The following XK variants were observed in gnomAD, a reference collection of about 807,000 sequenced individuals.
XK encodes endoplasmic reticulum membrane adapter protein XK.
XK carries 2 observed loss-of-function variants against 14.0 expected under a neutral mutation model. That is an observed-to-expected ratio of 0.14 (90% confidence interval 0.06 to 0.45). The LOEUF is 0.45. Ranked by LOEUF, XK falls within the 20% of genes least tolerant of loss-of-function variation. The pLI is 0.98. For missense variants in XK, 235 were observed against 341.5 expected (o/e 0.69, Z 2.46); for synonymous variants, 149 against 147.5 (o/e 1.01, Z -0.08).
intron 1 of XK, among the ~76,000 whole-genome samples, chrX:37,690,900 A>G (rs1927188084): frequency 8.9e-6 from 1 of 112,358 alleles, no homozygotes; most frequent in Non-Finnish European, 1.9e-5. Flanking sequence ...CAAATAAAAA[A>G]CCAAAAAATA....
chrX:37,689,087 T>G (rs1282107844), intron 1 of XK, among the ~76,000 whole-genome samples: 1 of 111,813 alleles, frequency 8.9e-6, no homozygotes, highest in Non-Finnish European at 1.9e-5. Context: ...GGCCATTGTC[T>G]TCTTGGAGCA....
chrX:37,731,446 A>G lies in XK; in HGVS notation c.*2984A>G, dbSNP rs922048395. 6.2e-5 allele frequency: 7 copies of G among 112,249 alleles called. No homozygotes were observed. Among genetic ancestry groups the G allele is most frequent in the African/African-American group, 2.3e-4 (7 of 30,895 alleles). The allele number at this position is 112,249 out of a possible 1,213,427, so 9.3% of individuals were successfully genotyped here. A position where few individuals can be genotyped will look rare whatever the true frequency, so the allele number is the denominator to read the frequency against. Reference sequence around the variant, plus strand: ...AATTGCTCTATGCCTCAGTTTCCCCATAATACCCTTTTCCAACCTACCTCA... The same window carrying G: ...AATTGCTCTATGCCTCAGTTTCCCCGTAATACCCTTTTCCAACCTACCTCA... On this transcript the variant is annotated 3_prime_UTR_variant, in exon 3 of 3. Transcript: ENST00000378616.
At chrX:37,693,256 T>C (rs1556441802) in intron 1 of XK, among the ~76,000 whole-genome samples, 1 of 111,828 alleles carries the variant, frequency 8.9e-6, no homozygotes, top group Non-Finnish European at 1.9e-5. Flanking sequence ...AAAGTGCATG[T>C]TAGAGGAGGG....
intron 2 of XK, among the ~76,000 whole-genome samples, chrX:37,701,702 C>G (rs1248404399): frequency 8.9e-6 from 1 of 112,335 alleles, no homozygotes; most frequent in Non-Finnish European, 1.9e-5. Flanking sequence ...CCTTAATAAG[C>G]AGCTGCATCT....
chrX:37,712,892 A>G (rs782090937), intron 2 of XK, among the ~76,000 whole-genome samples: 3 of 112,151 alleles, frequency 2.7e-5, no homozygotes, highest in Admixed American at 9.5e-5. Flanking sequence ...GTAAAAATGT[A>G]TTACTTCATA....
intron 1 of XK, among the ~76,000 whole-genome samples, chrX:37,690,426 C>G (rs1056094186): frequency 8.9e-6 from 1 of 112,325 alleles, no homozygotes; most frequent in Non-Finnish European, 1.9e-5. Flanking sequence ...ATTAGGGTCT[C>G]TGGTACCACA....
chrX:37,720,249 A>AT lies in XK; in HGVS notation c.509-7377dup, dbSNP rs1223278847. Among the ~76,000 whole-genome samples, 148 of 108,195 alleles carry AT rather than the reference A, an allele frequency of 1.4e-3. No homozygotes were observed. The Middle Eastern group carries it at 0.024, about 17-fold the overall frequency. The allele number at this position is 108,195 out of a possible 115,157, so 94.0% of individuals were successfully genotyped here. ...GGCAGCTTCAGAATTTTCTCGAGAG[A>AT]TTTTTTTTTTCTTTCAAAAGTCTTA... is the stretch of plus-strand genomic sequence containing the variant. On this transcript the variant is annotated intron_variant, in intron 2 of 2. Transcript: ENST00000378616.
chrX:37,686,298 C>G, intron 1 of XK, 92 bp downstream of exon 1: 1 of 1,153,482 alleles, frequency 8.7e-7, no homozygotes, highest in South Asian at 1.9e-5. Flanking sequence ...AGGCGGTTTT[C>G]CTGTGGAGAC....
chrX:37,693,984 A>AT (rs1389257909), intron 1 of XK, among the ~76,000 whole-genome samples: 1 of 111,959 alleles, frequency 8.9e-6, no homozygotes, highest in East Asian at 2.8e-4. Flanking sequence ...GAAACTGCAC[A>AT]TTTTTTCTGT....
In XK at chrX:37,729,807, A is replaced by G. The variant is rs1429944125; in HGVS notation, c.*1345A>G. The G allele has an allele frequency of 9.0e-6, 1 of 111,699 alleles. No individual in the cohort carries two copies. The highest frequency in any genetic ancestry group is 3.2e-5 in the African/African-American group (1 of 30,777). The allele number at this position is 111,699 out of a possible 1,213,427, so 9.2% of individuals were successfully genotyped here. ...GACTCTATGGACTCGATTTTACCAT[A>G]TGGAATAGGGATCCACTTCTCTGTT... On this transcript the variant is annotated 3_prime_UTR_variant, in exon 3 of 3. Transcript: ENST00000378616.
At chrX:37,705,255 C>G (rs1394064581) in intron 2 of XK, among the ~76,000 whole-genome samples, 1 of 108,231 alleles carries the variant, frequency 9.2e-6, no homozygotes, top group Non-Finnish European at 1.9e-5. Context: ...ACCATCCTGG[C>G]TAACATGGTG....
chrX:37,707,813 G>C (rs1292229480), intron 2 of XK, among the ~76,000 whole-genome samples: 2 of 112,627 alleles, frequency 1.8e-5, no homozygotes, highest in Admixed American at 9.3e-5. Context: ...TGGCAGCCGG[G>C]CAGAGGCTGC....
intron 2 of XK, among the ~76,000 whole-genome samples, chrX:37,697,148 C>T (rs1005176040): frequency 2.7e-5 from 3 of 111,511 alleles, no homozygotes; most frequent in African/African-American, 9.8e-5. Context: ...TTAGAGTTAC[C>T]TGGGGGCTTG....
intron 2 of XK, among the ~76,000 whole-genome samples, chrX:37,706,332 A>AT (rs1204427693): frequency 8.1e-5 from 9 of 111,012 alleles, no homozygotes; most frequent in East Asian, 5.6e-4. Context: ...CTTAATGCAA[A>AT]TTTTTTTTGT....
intron 2 of XK, among the ~76,000 whole-genome samples, chrX:37,726,330 A>G (rs1474863894): frequency 8.9e-6 from 1 of 112,100 alleles, no homozygotes; most frequent in Non-Finnish European, 1.9e-5. Context: ...ACATTTCAAG[A>G]TATTTTTAAA....
At chrX:37,699,928 G>A (rs1282917939) in intron 2 of XK, among the ~76,000 whole-genome samples, 3 of 111,117 alleles carry the variant, frequency 2.7e-5, no homozygotes, top group African/African-American at 9.8e-5. Context: ...GAGAGGCTCA[G>A]GCTAGTGGGA....
intron 2 of XK, among the ~76,000 whole-genome samples, chrX:37,722,105 TTGAC>T (rs1927886666): frequency 8.9e-6 from 1 of 111,778 alleles, no homozygotes; most frequent in African/African-American, 3.2e-5. Context: ...CTTTTTAAAA[TTGAC>T]TGGTGATGGT....
intron 2 of XK, among the ~76,000 whole-genome samples, chrX:37,695,648 A>G (rs1397958677): frequency 8.9e-6 from 1 of 112,106 alleles, no homozygotes; most frequent in African/African-American, 3.2e-5. Flanking sequence ...AAAGACTCTT[A>G]TTTATTTTAC....
chrX:37,690,522 A>G, intron 1 of XK, among the ~76,000 whole-genome samples: 1 of 112,299 alleles, frequency 8.9e-6, no homozygotes, highest in Non-Finnish European at 1.9e-5. Context: ...GGGATATATG[A>G]TGCTTGAAAA....
Sources: allele counts gnomAD v4.1 joint callset (sites outside exome capture counted in the v4.1 genomes callset), GRCh38; gene constraint gnomAD v4.1.1; transcripts MANE v1.5; gene names NCBI Gene and HGNC (gene_info 2026-07-23, HGNC 2026-07-21).